ANKFN1: variants seen among roughly 807,000 people sequenced by gnomAD.
The protein encoded by ANKFN1 is ankyrin repeat and fibronectin type-III domain-containing protein 1.
A neutral mutation model predicts 108.7 loss-of-function variants in ANKFN1; 74 were observed. That is an observed-to-expected ratio of 0.68 (90% CI 0.56 to 0.83). The LOEUF is 0.83. Ranked by LOEUF, ANKFN1 falls within the 40% of genes least tolerant of loss-of-function variation. The pLI, the probability that ANKFN1 is intolerant of heterozygous loss-of-function variation, is 0.00. For missense variants in ANKFN1, 1,505 were observed against 1,382.3 expected (o/e 1.09, Z -1.41); for synonymous variants, 547 against 516.2 (o/e 1.06, Z -0.81).
At chr17:56,166,503 G>C (rs1407574128) in intron 1 of ANKFN1, among the ~76,000 whole-genome samples, 2 of 152,162 alleles carry the variant, frequency 1.3e-5, no homozygotes, top group Non-Finnish European at 2.9e-5. Flanking sequence ...GTTGCTTCCT[G>C]CTCTAACATT....
intron 3 of ANKFN1, among the ~76,000 whole-genome samples, chr17:56,288,687 A>G (rs2044282703): frequency 6.6e-6 from 1 of 152,210 alleles, no homozygotes. Context: ...CTAGGAAATA[A>G]CAAATATATT....
At chr17:56,164,060 A>G (rs1043967607) in intron 1 of ANKFN1, among the ~76,000 whole-genome samples, 8 of 152,172 alleles carry the variant, frequency 5.3e-5, no homozygotes, top group Admixed American at 5.2e-4. Context: ...TCAAACAGTA[A>G]AAATGTGGAC....
At chr17:56,280,456 C>A (rs1013079346) in intron 3 of ANKFN1, among the ~76,000 whole-genome samples, 1 of 152,092 alleles carries the variant, frequency 6.6e-6, no homozygotes, top group Non-Finnish European at 1.5e-5. Flanking sequence ...CCAGAATGAC[C>A]CTGCTCTTTC....
chr17:56,516,162 C>T lies in ANKFN1; in HGVS notation c.*4893C>T, dbSNP rs903846119. ...CAAATTATAGTAAGTCACTCTGAGT[C>T]GCTGTATTGCCTCTTGCCTTGTGAA... On this transcript the variant is annotated 3_prime_UTR_variant, in exon 21 of 21. Transcript: ENST00000682825. Among the ~76,000 whole-genome samples, 9 of 151,994 alleles carry T rather than the reference C, an allele frequency of 5.9e-5. No individual in the cohort carries two copies. The highest frequency in any genetic ancestry group is 7.4e-5 in the Non-Finnish European group (5 of 68,008).
chr17:56,187,156 C>G (rs1171182510), intron 1 of ANKFN1, among the ~76,000 whole-genome samples: 1 of 152,058 alleles, frequency 6.6e-6, no homozygotes, highest in Admixed American at 6.6e-5. Flanking sequence ...GCAACCTACA[C>G]AATGGGAGAA....
Position 56,188,579 on chromosome 17 carries a change from GTGTATATATATATATA to G in ANKFN1, c.-70-24017_-70-24002del, listed in dbSNP as rs1912519103. ...TGTGTGTGTATGTGTGTGTGTGTGT[GTGTATATATATATATA>G]TATATATATATATATATATATGAAA... is the stretch of plus-strand genomic sequence containing the variant. On this transcript the variant is annotated intron_variant, in intron 1 of 20. Transcript: ENST00000682825. Among the ~76,000 whole-genome samples the G allele has an allele frequency of 7.0e-5, 5 of 71,398 alleles. 2 individuals carry two copies. The highest frequency in any genetic ancestry group is 3.0e-4 in the African/African-American group (4 of 13,260). 46.8% of individuals were successfully genotyped at this position (71,398 alleles called of 152,430 possible).
intron 4 of ANKFN1, among the ~76,000 whole-genome samples, chr17:56,067,771 T>C (rs143221470): frequency 8.3e-4 from 126 of 152,270 alleles, no homozygotes; most frequent in African/African-American, 2.9e-3. Context: ...TGCGAGTAAA[T>C]TTTATTAACT....
intron 3 of ANKFN1, among the ~76,000 whole-genome samples, chr17:56,288,723 G>C (rs180673656): frequency 2.6e-5 from 4 of 152,148 alleles, no homozygotes; most frequent in African/African-American, 9.7e-5. Context: ...CCCAGAGGAA[G>C]AGCCTTTAGA....
chr17:56,426,671 G>A (rs1474263022), intron 8 of ANKFN1, among the ~76,000 whole-genome samples: 1 of 152,174 alleles, frequency 6.6e-6, no homozygotes, highest in Non-Finnish European at 1.5e-5. Context: ...CCCTTGCTAG[G>A]ATATGCAATG....
intron 4 of ANKFN1, among the ~76,000 whole-genome samples, chr17:56,333,933 C>A (rs1456601987): frequency 1.3e-5 from 2 of 152,188 alleles, no homozygotes; most frequent in East Asian, 1.9e-4. Context: ...TTTGACCAAC[C>A]GTGTGTTTCC....
At chr17:56,193,259 G>A (rs1598212463) in intron 1 of ANKFN1, among the ~76,000 whole-genome samples, 1 of 116,934 alleles carries the variant, frequency 8.6e-6, no homozygotes, top group Admixed American at 9.4e-5. Context: ...TGGTGGGGAG[G>A]GGGGAGGGGG....
intron 3 of ANKFN1, 184 bp downstream of exon 3, chr17:56,228,141 G>T: frequency 1.9e-6 from 1 of 521,784 alleles, no homozygotes; most frequent in Non-Finnish European, 3.3e-6. Flanking sequence ...AAACCAATTT[G>T]GAAGCAGATT....
chr17:56,217,288 A>G (rs1407624523), intron 2 of ANKFN1, among the ~76,000 whole-genome samples: 2 of 152,162 alleles, frequency 1.3e-5, no homozygotes, highest in Non-Finnish European at 2.9e-5. Context: ...CTTCTGTAGC[A>G]GCATTTGGCT....
At chr17:56,173,705 T>C (rs1309721850) in intron 1 of ANKFN1, among the ~76,000 whole-genome samples, 1 of 152,148 alleles carries the variant, frequency 6.6e-6, no homozygotes, top group Non-Finnish European at 1.5e-5. Context: ...CAAGCGTTCC[T>C]CCCACCTTAG....
At chr17:56,395,104 T>C (rs1234757288) in intron 8 of ANKFN1, among the ~76,000 whole-genome samples, 1 of 152,130 alleles carries the variant, frequency 6.6e-6, no homozygotes, top group African/African-American at 2.4e-5. Flanking sequence ...ATTATAAAAA[T>C]AATGTAGGCT....
intron 3 of ANKFN1, among the ~76,000 whole-genome samples, chr17:56,231,490 C>T (rs961850442): frequency 6.6e-6 from 1 of 152,130 alleles, no homozygotes; most frequent in African/African-American, 2.4e-5. Context: ...CTTTTGTTTG[C>T]TTTTTTATGG....
At chr17:56,167,927 C>G (rs1045715554) in intron 1 of ANKFN1, among the ~76,000 whole-genome samples, 8 of 152,158 alleles carry the variant, frequency 5.3e-5, no homozygotes, top group African/African-American at 1.9e-4. Context: ...CAGGCTTCCA[C>G]ATACTCAGAA....
intron 8 of ANKFN1, among the ~76,000 whole-genome samples, chr17:56,429,280 C>T (rs749556125): frequency 8.6e-5 from 13 of 152,016 alleles, no homozygotes; most frequent in Non-Finnish European, 1.5e-4. Context: ...GCAGATGAAG[C>T]GAAATGGATA....
At chr17:56,320,841 ACT>A (rs1176091108) in intron 3 of ANKFN1, among the ~76,000 whole-genome samples, 1 of 151,992 alleles carries the variant, frequency 6.6e-6, no homozygotes, top group Non-Finnish European at 1.5e-5. Flanking sequence ...TCAGATAAAC[ACT>A]CTGTCATCGG....
Sources: allele counts gnomAD v4.1 joint callset (sites outside exome capture counted in the v4.1 genomes callset), GRCh38; gene constraint gnomAD v4.1.1; transcripts MANE v1.5; gene names NCBI Gene and HGNC (gene_info 2026-07-23, HGNC 2026-07-21).